Variants in FAT3 observed in about 807,000 individuals in gnomAD.
FAT3 encodes FAT atypical cadherin 3.
FAT3 carries 95 observed loss-of-function variants against 310.2 expected under a neutral mutation model. The ratio of observed to expected loss-of-function variants is 0.31; its 90% CI spans 0.26 to 0.36. The LOEUF (loss-of-function observed/expected upper bound fraction) is 0.36. Ranked by LOEUF, FAT3 falls within the 10% of genes least tolerant of loss-of-function variation. The pLI, the probability that FAT3 is intolerant of heterozygous loss-of-function variation, is 1.00. For synonymous variants in FAT3, 2,314 were observed against 2,192.9 expected (o/e 1.06, Z -1.54); for missense variants, 5,408 against 5,715.6 (o/e 0.95, Z 1.74).
At chr11:92,645,589 A>G (rs556612563) in intron 3 of FAT3, among the ~76,000 whole-genome samples, 1 of 150,950 alleles carries the variant, frequency 6.6e-6, no homozygotes, top group East Asian at 1.9e-4. Context: ...TTGTCTTGTT[A>G]GTAACTTAGT....
chr11:92,725,723 A>T (rs1332038636), intron 4 of FAT3, among the ~76,000 whole-genome samples: 2 of 152,176 alleles, frequency 1.3e-5, no homozygotes, highest in South Asian at 2.1e-4. Context: ...TTAGAAGCAT[A>T]CTAACATCAG....
chr11:92,639,731 A>G (rs112576479), intron 3 of FAT3, among the ~76,000 whole-genome samples: 16 of 152,252 alleles, frequency 1.1e-4, no homozygotes, highest in African/African-American at 3.4e-4. Flanking sequence ...TTCATCCTTT[A>G]CTAGTCAGTG....
chr11:92,542,765 T>C (rs954237656), intron 3 of FAT3, among the ~76,000 whole-genome samples: 5 of 151,874 alleles, frequency 3.3e-5, no homozygotes, highest in African/African-American at 1.2e-4. Context: ...TGGAAAACAG[T>C]ATGAAGATTC....
At chr11:92,366,537 C>T (rs1949027597) in intron 2 of FAT3, 1 of 492,232 alleles carries the variant, frequency 2.0e-6, no homozygotes, top group African/African-American at 2.0e-5. Context: ...GCTTCCATGG[C>T]TTTACCGATC....
intron 2 of FAT3, among the ~76,000 whole-genome samples, chr11:92,446,146 A>G (rs1951202552): frequency 6.6e-6 from 1 of 152,218 alleles, no homozygotes; most frequent in Non-Finnish European, 1.5e-5. Context: ...TCATGTTGGA[A>G]AAAAGAAACG....
At chr11:92,590,621 G>A (rs1437060902) in intron 3 of FAT3, among the ~76,000 whole-genome samples, 1 of 152,038 alleles carries the variant, frequency 6.6e-6, no homozygotes, top group African/African-American at 2.4e-5. Flanking sequence ...AGAGGCTAGA[G>A]AAACAAGTAC....
rs575347845 is a variant in FAT3, at chr11:92,306,576, A to T, written c.-17-45520A>T. On this transcript the variant is annotated intron_variant, in intron 1 of 27. Transcript: ENST00000525166. ...GTTATATATATTTATATTATATATT[A>T]TATATATTTATATTATATATATTAT... 1.8e-3 allele frequency among the ~76,000 whole-genome samples: 229 copies of T among 124,004 alleles called. 3 individuals are homozygous for T. In the South Asian group the frequency reaches 0.031, roughly 17 times the overall value. The allele number at this position is 124,004 out of a possible 152,430, so 81.4% of individuals were successfully genotyped here.
At chr11:92,810,164 TC>T (rs973574442) in intron 13 of FAT3, 88 bp downstream of exon 13, 4 of 1,202,948 alleles carry the variant, frequency 3.3e-6, no homozygotes, top group Non-Finnish European at 3.5e-6. Context: ...AGAACCTTAA[TC>T]AACCCCCTTG....
intron 6 of FAT3, among the ~76,000 whole-genome samples, chr11:92,765,303 G>T (rs1188288102): frequency 6.6e-6 from 1 of 152,094 alleles, no homozygotes; most frequent in Non-Finnish European, 1.5e-5. Context: ...AGTGCTCTCT[G>T]GCTGGATTTT....
In FAT3 at chr11:92,299,936, T is replaced by C. The variant is rs545939487; in HGVS notation, c.-17-52160T>C. On this transcript the variant is annotated intron_variant, in intron 1 of 27. Coordinates refer to ENST00000525166, the MANE Select transcript of FAT3 (RefSeq NM_001367949.2). ...AATCTATCTCTTCAGCAGGGCACATTCTGACTTTCACAAACTGACATTAAC... is the reference window on the plus strand; with the variant it reads ...AATCTATCTCTTCAGCAGGGCACATCCTGACTTTCACAAACTGACATTAAC... 8.5e-5 allele frequency among the ~76,000 whole-genome samples: 13 copies of C among 152,252 alleles called. No homozygotes were observed. In the South Asian group the frequency reaches 1.0e-3, roughly 12 times the overall value.
chr11:92,872,532 T>C (rs116359163), intron 22 of FAT3, among the ~76,000 whole-genome samples: 2,744 of 152,340 alleles, frequency 0.018, 82 homozygotes, highest in African/African-American at 0.062. Context: ...CTTACTCTTA[T>C]ATTTTTGGTA....
chr11:92,391,846 A>G (rs980926204), intron 2 of FAT3, among the ~76,000 whole-genome samples: 1 of 152,068 alleles, frequency 6.6e-6, no homozygotes, highest in African/African-American at 2.4e-5. Context: ...TATATTTGGC[A>G]CCCCAGAATT....
At chr11:92,442,097 A>ATTT (rs1565320021) in intron 2 of FAT3, among the ~76,000 whole-genome samples, 2 of 45,826 alleles carry the variant, frequency 4.4e-5, no homozygotes, top group African/African-American at 2.0e-4. Context: ...ATATATATAT[A>ATTT]TATATATATA....
chr11:92,229,522 T>TTTTTTTTTTTTC (rs1864080573), intron 1 of FAT3, among the ~76,000 whole-genome samples: 1 of 141,928 alleles, frequency 7.0e-6, no homozygotes. Flanking sequence ...TTGTTTTTTT[T>TTTTTTTTTTTTC]TACATTGCCT....
At chr11:92,581,779 TGTA>T (rs1214789725) in intron 3 of FAT3, among the ~76,000 whole-genome samples, 1 of 152,052 alleles carries the variant, frequency 6.6e-6, no homozygotes, top group East Asian at 1.9e-4. Flanking sequence ...CCAGGCATGA[TGTA>T]AAATGCTGTA....
intron 3 of FAT3, among the ~76,000 whole-genome samples, chr11:92,606,621 C>CT (rs746582367): frequency 2.6e-5 from 4 of 152,150 alleles, no homozygotes; most frequent in Non-Finnish European, 4.4e-5. Flanking sequence ...ATTCTGCTAA[C>CT]TTTTTTATGT....
intron 1 of FAT3, among the ~76,000 whole-genome samples, chr11:92,351,363 G>A (rs1948561300): frequency 6.6e-6 from 1 of 152,180 alleles, no homozygotes; most frequent in African/African-American, 2.4e-5. Context: ...AAGTAATTAT[G>A]TAACTATTGA....
chr11:92,673,828 A>C (rs1207774082), intron 3 of FAT3, among the ~76,000 whole-genome samples: 1 of 152,140 alleles, frequency 6.6e-6, no homozygotes, highest in Non-Finnish European at 1.5e-5. Flanking sequence ...TGAGTGAGGA[A>C]TCCTCCTAGA....
intron 3 of FAT3, among the ~76,000 whole-genome samples, chr11:92,685,080 C>A (rs1444012033): frequency 6.6e-6 from 1 of 152,106 alleles, no homozygotes; most frequent in African/African-American, 2.4e-5. Context: ...TTTTTTGTAA[C>A]CTCTCTTTTC....
Sources: gnomAD v4.1 joint callset for allele counts (sites outside exome capture counted in the v4.1 genomes callset) on GRCh38, gnomAD v4.1.1 for gene constraint, MANE v1.5 for transcripts, NCBI Gene and HGNC (gene_info 2026-07-23, HGNC 2026-07-21) for gene names.